Variants in ARHGAP24 observed in about 807,000 individuals in gnomAD.
The protein encoded by ARHGAP24 is rho GTPase-activating protein 24.
Under a neutral mutation model 76.4 loss-of-function variants are expected in ARHGAP24, and 50 were observed. That is an observed-to-expected ratio of 0.65 (90% CI 0.52 to 0.83). The LOEUF is 0.83. ARHGAP24 is among the 40% of genes least tolerant of loss of function. The pLI, the probability that ARHGAP24 is intolerant of heterozygous loss-of-function variation, is 0.00. For synonymous variants in ARHGAP24, 345 were observed against 323.3 expected (o/e 1.07, Z -0.72); for missense variants, 930 against 914.2 (o/e 1.02, Z -0.22).
chr4:85,524,524 T>TCA (rs113122904), intron 1 of ARHGAP24, among the ~76,000 whole-genome samples: 1,564 of 152,314 alleles, frequency 0.01, 13 homozygotes, highest in East Asian at 0.018. Context: ...TCTCTGATTC[T>TCA]CACAGCCCTG....
intron 2 of ARHGAP24, among the ~76,000 whole-genome samples, chr4:85,688,122 A>G (rs1723498717): frequency 6.6e-6 from 1 of 151,998 alleles, no homozygotes; most frequent in South Asian, 2.1e-4. Flanking sequence ...CGGTGGTTCT[A>G]TTTTAAGTTA....
At chr4:85,765,493 A>T (rs1232263345) in intron 3 of ARHGAP24, among the ~76,000 whole-genome samples, 2 of 152,114 alleles carry the variant, frequency 1.3e-5, no homozygotes, top group Non-Finnish European at 2.9e-5. Flanking sequence ...TGGAAAAATA[A>T]TTAGTCATGA....
chr4:85,916,263 G>A (rs147842348), intron 3 of ARHGAP24, among the ~76,000 whole-genome samples: 84 of 152,218 alleles, frequency 5.5e-4, no homozygotes, highest in African/African-American at 1.9e-3. Context: ...TGGTGGGGTT[G>A]TTTTTTCTCT....
chr4:85,698,125 A>G lies in ARHGAP24; in HGVS notation c.181-23760A>G, dbSNP rs563054588. Among the ~76,000 whole-genome samples the G allele has an allele frequency of 1.6e-4, 25 of 152,330 alleles. 1 individual carries two copies. The highest frequency in any genetic ancestry group is 3.2e-4 in the Non-Finnish European group (22 of 68,030). On this transcript the variant is annotated intron_variant, in intron 2 of 9. Transcript: ENST00000395184. The stretch of plus-strand genomic sequence containing the variant: ...CACAAGCACCCACTAAAACTTTGTT[A>G]AGGCTTTGTCCATTGTGACAATGTA...
At chr4:85,627,692 C>A (rs1424494165) in intron 2 of ARHGAP24, among the ~76,000 whole-genome samples, 1 of 152,216 alleles carries the variant, frequency 6.6e-6, no homozygotes, top group Non-Finnish European at 1.5e-5. Flanking sequence ...CGCAGGCAGG[C>A]CTCCTTGAGC....
intron 2 of ARHGAP24, among the ~76,000 whole-genome samples, chr4:85,590,553 T>C (rs2109980062): frequency 6.6e-6 from 1 of 151,984 alleles, no homozygotes; most frequent in Admixed American, 6.6e-5. Flanking sequence ...AGAGACGGGG[T>C]TTCACCATGT....
intron 3 of ARHGAP24, among the ~76,000 whole-genome samples, chr4:85,764,188 C>A (rs1726841735): frequency 6.6e-6 from 1 of 151,838 alleles, no homozygotes; most frequent in Non-Finnish European, 1.5e-5. Context: ...GCCAAATTTT[C>A]TTTTCTCCAA....
chr4:85,776,837 C>T (rs1727326268), intron 3 of ARHGAP24, among the ~76,000 whole-genome samples: 1 of 152,152 alleles, frequency 6.6e-6, no homozygotes. Flanking sequence ...CAAGGTCTTA[C>T]TCATATTTCC....
At chr4:85,845,303 C>T (rs958486313) in intron 3 of ARHGAP24, among the ~76,000 whole-genome samples, 4 of 152,106 alleles carry the variant, frequency 2.6e-5, no homozygotes, top group South Asian at 2.1e-4. Flanking sequence ...TGAAAAACAA[C>T]TTTGTGGTAT....
chr4:85,895,001 C>CAAAAAAAAAA (rs1222078793), intron 3 of ARHGAP24, among the ~76,000 whole-genome samples: 14 of 54,336 alleles, frequency 2.6e-4, no homozygotes, highest in Middle Eastern at 0.026. Context: ...AAACAAAAAG[C>CAAAAAAAAAA]AAAAAAAAAA....
At chr4:85,577,500 G>T (rs956908384) in intron 2 of ARHGAP24, among the ~76,000 whole-genome samples, 12 of 152,144 alleles carry the variant, frequency 7.9e-5, no homozygotes, top group African/African-American at 2.9e-4. Context: ...TAGTTAGATA[G>T]TACTGAGTCA....
At chr4:85,515,370 T>C (rs1019498137) in intron 1 of ARHGAP24, among the ~76,000 whole-genome samples, 16 of 26,488 alleles carry the variant, frequency 6.0e-4, no homozygotes, top group Admixed American at 2.8e-3. Context: ...ATGCAGGTAA[T>C]CTTTTTTTTT....
chr4:85,751,169 GTTC>G (rs1462869814), intron 3 of ARHGAP24, among the ~76,000 whole-genome samples: 2 of 152,000 alleles, frequency 1.3e-5, no homozygotes, highest in Non-Finnish European at 2.9e-5. Flanking sequence ...AGAATATATT[GTTC>G]TTGTTATGTA....
intron 3 of ARHGAP24, among the ~76,000 whole-genome samples, chr4:85,828,598 C>T (rs1329208909): frequency 6.6e-6 from 1 of 151,916 alleles, no homozygotes; most frequent in East Asian, 1.9e-4. Context: ...CTTAATCAAC[C>T]TATAAAGCTT....
At chr4:85,609,875 T>C (rs759653227) in intron 2 of ARHGAP24, among the ~76,000 whole-genome samples, 3 of 152,232 alleles carry the variant, frequency 2.0e-5, no homozygotes, top group Non-Finnish European at 2.9e-5. Context: ...TTGAAATATA[T>C]GATGAAATAC....
At chr4:85,539,437 ATTAT>A (rs1725594735) in intron 1 of ARHGAP24, among the ~76,000 whole-genome samples, 1 of 152,184 alleles carries the variant, frequency 6.6e-6, no homozygotes, top group Non-Finnish European at 1.5e-5. Flanking sequence ...AGTTAAGAGA[ATTAT>A]TTAACACACA....
chr4:85,821,914 T>G (rs1729489954), intron 3 of ARHGAP24, among the ~76,000 whole-genome samples: 1 of 152,208 alleles, frequency 6.6e-6, no homozygotes, highest in Non-Finnish European at 1.5e-5. Context: ...AGATAAAACA[T>G]ATGTAAAAGT....
At chr4:85,986,259 T>C (rs1739985666) in intron 8 of ARHGAP24, among the ~76,000 whole-genome samples, 1 of 152,176 alleles carries the variant, frequency 6.6e-6, no homozygotes, top group South Asian at 2.1e-4. Flanking sequence ...ATATAATAGA[T>C]ATGTGCTTTC....
intron 1 of ARHGAP24, among the ~76,000 whole-genome samples, chr4:85,513,559 T>TAAA (rs33971400): frequency 0.017 from 2,570 of 151,464 alleles, 41 homozygotes; most frequent in Non-Finnish European, 0.027. Context: ...GCCTTTTTTT[T>TAAA]AAAAAAAAAA....
Sources: allele counts gnomAD v4.1 joint callset (sites outside exome capture counted in the v4.1 genomes callset), GRCh38; gene constraint gnomAD v4.1.1; transcripts MANE v1.5; gene names NCBI Gene and HGNC (gene_info 2026-07-23, HGNC 2026-07-21).